The following CNOT2 variants were observed in gnomAD, a reference collection of about 807,000 sequenced individuals.
CNOT2 encodes the protein CC chemokine receptor 4-negative regulator of transcription 2.
CNOT2 carries 7 observed loss-of-function variants against 72.1 expected under a neutral mutation model. The ratio of observed to expected loss-of-function variants is 0.10; its 90% CI spans 0.06 to 0.18. The LOEUF (loss-of-function observed/expected upper bound fraction) is 0.18. CNOT2 is among the 10% of genes least tolerant of loss of function. The pLI, the probability that CNOT2 is intolerant of heterozygous loss-of-function variation, is 1.00. For missense variants in CNOT2, 345 were observed against 660.3 expected, an observed-to-expected ratio of 0.52 and a Z score of 5.23; for synonymous variants, 196 against 225.6, an observed-to-expected ratio of 0.87 and a Z score of 1.17.
At chr12:70,319,567 G>GATATAGCAT (rs1417670365) in intron 4 of CNOT2, among the ~76,000 whole-genome samples, 1 of 151,618 alleles carries the variant, frequency 6.6e-6, no homozygotes, top group East Asian at 1.9e-4. Flanking sequence ...CTATTACTTG[G>GATATAGCAT]ATATAGCATA....
intron 4 of CNOT2, 144 bp from the exon 5 acceptor site, chr12:70,329,279 T>C (rs1166996584): frequency 1.9e-5 from 10 of 525,058 alleles, no homozygotes; most frequent in Non-Finnish European, 3.4e-5. Context: ...TCAGAGTTTA[T>C]TTGGAGTGAA....
intron 2 of CNOT2, among the ~76,000 whole-genome samples, chr12:70,301,087 C>A (rs1436566788): frequency 6.6e-6 from 1 of 152,126 alleles, no homozygotes; most frequent in Non-Finnish European, 1.5e-5. Context: ...CGAGACTTTG[C>A]TGAAGTTGAT....
chr12:70,300,280 A>G (rs1255259441), intron 2 of CNOT2, among the ~76,000 whole-genome samples: 1 of 152,214 alleles, frequency 6.6e-6, no homozygotes, highest in Admixed American at 6.5e-5. Flanking sequence ...TGTTTTAGAC[A>G]TGAAGTCCTT....
chr12:70,318,764 C>T (rs1008782422), intron 3 of CNOT2, among the ~76,000 whole-genome samples: 22 of 151,754 alleles, frequency 1.4e-4, no homozygotes, highest in African/African-American at 5.3e-4. Context: ...ACAGGAAATA[C>T]GCAAATATGC....
At chr12:70,352,343 A>T (rs1882974100) in intron 15 of CNOT2, among the ~76,000 whole-genome samples, 1 of 152,190 alleles carries the variant, frequency 6.6e-6, no homozygotes, top group Non-Finnish European at 1.5e-5. Context: ...TATTACAAAG[A>T]TTAGAATAAA....
intron 3 of CNOT2, among the ~76,000 whole-genome samples, chr12:70,318,860 T>A (rs1865173): frequency 0.69 from 104,229 of 151,542 alleles, 36,029 homozygotes; most frequent in East Asian, 0.93. Context: ...AGGATATATA[T>A]AATGAATGTA....
chr12:70,250,076 T>A (rs1418494496), intron 1 of CNOT2, among the ~76,000 whole-genome samples: 1 of 152,152 alleles, frequency 6.6e-6, no homozygotes, highest in Non-Finnish European at 1.5e-5. Flanking sequence ...GTCTTTAAAG[T>A]GTTTAAGTTT....
chr12:70,252,631 A>C (rs1958197941), intron 1 of CNOT2, among the ~76,000 whole-genome samples: 1 of 152,228 alleles, frequency 6.6e-6, no homozygotes, highest in African/African-American at 2.4e-5. Flanking sequence ...AGAGAGTTAT[A>C]TTCTGAAATT....
chr12:70,303,407 G>C (rs1258392057), intron 2 of CNOT2, among the ~76,000 whole-genome samples: 1 of 152,172 alleles, frequency 6.6e-6, no homozygotes, highest in African/African-American at 2.4e-5. Context: ...TTTAGGGCAG[G>C]CCTGGTGGTG....
chr12:70,278,379 A>G lies in CNOT2; in HGVS notation c.48+105A>G, dbSNP rs1869221630. The stretch of plus-strand genomic sequence containing the variant: ...GAACCAGCAAATTGGTTACACCTCA[A>G]TTTGAAAATTTGGGTTTATAATTTT... On this transcript the variant is annotated intron_variant, in intron 2 of 15. Coordinates refer to ENST00000229195, the MANE Select transcript of CNOT2 (RefSeq NM_014515.7). 1.1e-5 allele frequency: 7 copies of G among 661,306 alleles called. No homozygotes were observed. The East Asian group carries it at 1.4e-4, about 13-fold the overall frequency. The allele number at this position is 661,306 out of a possible 1,614,324, so 41.0% of individuals were successfully genotyped here.
intron 2 of CNOT2, among the ~76,000 whole-genome samples, chr12:70,286,073 G>A (rs2135842039): frequency 7.2e-6 from 1 of 138,888 alleles, no homozygotes; most frequent in South Asian, 2.3e-4. Context: ...TGGGAGAGGG[G>A]AGCAGAACCA....
intron 2 of CNOT2, among the ~76,000 whole-genome samples, chr12:70,291,245 A>G (rs1049211093): frequency 6.6e-6 from 1 of 152,230 alleles, no homozygotes; most frequent in Non-Finnish European, 1.5e-5. Flanking sequence ...TGTATAGCAT[A>G]AAATAGTATA....
intron 1 of CNOT2, among the ~76,000 whole-genome samples, chr12:70,257,288 T>C (rs1340360496): frequency 6.6e-6 from 1 of 151,868 alleles, no homozygotes; most frequent in East Asian, 1.9e-4. Flanking sequence ...TGACAACATA[T>C]GTATAGCATT....
chr12:70,294,233 T>G (rs1872457163), intron 2 of CNOT2: 1 of 1,289,480 alleles, frequency 7.8e-7, no homozygotes, highest in Non-Finnish European at 1.0e-6. Flanking sequence ...CTTCTTCACT[T>G]CAGCCTCCAG....
intron 3 of CNOT2, among the ~76,000 whole-genome samples, chr12:70,312,447 AG>A (rs1265689601): frequency 1.3e-5 from 2 of 152,046 alleles, no homozygotes; most frequent in Non-Finnish European, 2.9e-5. Flanking sequence ...GAAATCTAAA[AG>A]TATATAAAGA....
chr12:70,329,288 A>T (rs1178183028), intron 4 of CNOT2, 135 bp from the exon 5 acceptor site: 2 of 552,826 alleles, frequency 3.6e-6, no homozygotes, highest in Non-Finnish European at 6.4e-6. Flanking sequence ...ATTTGGAGTG[A>T]ATCGAATATA....
At chr12:70,313,818 C>T (rs370804532) in intron 3 of CNOT2, among the ~76,000 whole-genome samples, 5 of 152,202 alleles carry the variant, frequency 3.3e-5, no homozygotes, top group African/African-American at 9.6e-5. Context: ...AATTTGCCCA[C>T]CCCTGGGTTA....
chr12:70,246,216 T>A (rs1957869501), intron 1 of CNOT2, among the ~76,000 whole-genome samples: 1 of 152,208 alleles, frequency 6.6e-6, no homozygotes, highest in Non-Finnish European at 1.5e-5. Flanking sequence ...AATAGCTTTT[T>A]TTTGTTGTTA....
intron 2 of CNOT2, among the ~76,000 whole-genome samples, chr12:70,281,357 A>G (rs752550676): frequency 2.6e-5 from 4 of 152,202 alleles, no homozygotes; most frequent in Non-Finnish European, 5.9e-5. Flanking sequence ...TGCTGGGATT[A>G]CAGGCGTGAG....
Sources: allele counts gnomAD v4.1 joint callset (sites outside exome capture counted in the v4.1 genomes callset), GRCh38; gene constraint gnomAD v4.1.1; transcripts MANE v1.5; gene names NCBI Gene and HGNC (gene_info 2026-07-23, HGNC 2026-07-21).